ZNF678: variants seen among roughly 807,000 people sequenced by gnomAD.
ZNF678 encodes zinc finger protein 678.
In ZNF678, 5 loss-of-function variants were observed where a neutral mutation model predicts 3.0. That is an observed-to-expected ratio of 1.69 (90% CI 0.88 to 3.56). ZNF678 has a LOEUF of 3.56. Ranked by LOEUF, ZNF678 falls within the 30% of genes most tolerant of loss-of-function variation. The pLI, the probability that ZNF678 is intolerant of heterozygous loss-of-function variation, is 0.00. For missense variants in ZNF678, 593 were observed against 605.0 expected (o/e 0.98, Z 0.21); for synonymous variants, 218 against 199.6 (o/e 1.09, Z -0.78).
chr1:227,649,814 T>C (rs915471726), intron 2 of ZNF678, among the ~76,000 whole-genome samples: 1 of 152,238 alleles, frequency 6.6e-6, no homozygotes, highest in Non-Finnish European at 1.5e-5. Context: ...ATGTCTTCAT[T>C]GGAAAAATAT....
At chr1:227,668,285 TA>T (rs1251782114) in intron 5 of ZNF678, among the ~76,000 whole-genome samples, 2 of 152,210 alleles carry the variant, frequency 1.3e-5, no homozygotes, top group African/African-American at 4.8e-5. Context: ...TTTCTATAAT[TA>T]AACATAATTC....
intron 2 of ZNF678, among the ~76,000 whole-genome samples, chr1:227,648,560 G>C (rs1002751653): frequency 7.9e-5 from 12 of 152,208 alleles, no homozygotes; most frequent in African/African-American, 2.9e-4. Context: ...AAACCAAACA[G>C]CAATTCCAGC....
At chr1:227,572,580 C>T (rs1390400) in intron 1 of ZNF678, among the ~76,000 whole-genome samples, 29,663 of 152,152 alleles carry the variant, frequency 0.19, 3,055 homozygotes, top group East Asian at 0.25. Flanking sequence ...GCTCACATGC[C>T]AAGTGCCATC....
At chr1:227,670,256 C>G (rs1459730805) in intron 5 of ZNF678, among the ~76,000 whole-genome samples, 1 of 152,218 alleles carries the variant, frequency 6.6e-6, no homozygotes, top group African/African-American at 2.4e-5. Context: ...CAGTCCTACA[C>G]ATGTATCCCC....
intron 3 of ZNF678, 92 bp from the exon 4 acceptor site, chr1:227,654,244 A>G (rs1659156695): frequency 2.0e-6 from 2 of 1,005,090 alleles, no homozygotes; most frequent in Non-Finnish European, 2.7e-6. Flanking sequence ...CATCTTGTTA[A>G]TGTCTCTGAT....
In ZNF678 at chr1:227,654,596, AAGAGAATTCATACTGG is replaced by A. The variant is rs749888264; in HGVS notation, c.353_368del (p.Ile118SerfsTer18). On this transcript the variant is annotated frameshift_variant, in exon 4 of 4. Transcript: ENST00000343776. LOFTEE classifies it low-confidence loss of function (END_TRUNC). ...CTGGAGGTCAATCCTTACTGAACAT[AAGAGAATTCATACTGG>A]AGAGAAGCCATACAAATGTGAAGAA... 8.6e-5 allele frequency: 138 copies of A among 1,613,356 alleles called. No individual in the cohort carries two copies. The highest frequency in any genetic ancestry group is 1.1e-4 in the Non-Finnish European group (135 of 1,179,630).
At chr1:227,605,071 G>A (rs936780397) in intron 1 of ZNF678, among the ~76,000 whole-genome samples, 3 of 152,050 alleles carry the variant, frequency 2.0e-5, no homozygotes, top group Admixed American at 6.5e-5. Context: ...TAGCCAGGAT[G>A]GTTTCGAGCT....
chr1:227,608,451 A>G (rs956250072), intron 1 of ZNF678, among the ~76,000 whole-genome samples: 1 of 152,164 alleles, frequency 6.6e-6, no homozygotes, highest in Non-Finnish European at 1.5e-5. Flanking sequence ...TTTTTTGAAT[A>G]TTGAAAATTA....
At chr1:227,654,067 T>C (rs545951826) in intron 3 of ZNF678, among the ~76,000 whole-genome samples, 1 of 152,234 alleles carries the variant, frequency 6.6e-6, no homozygotes, top group South Asian at 2.1e-4. Context: ...TATGTATAAA[T>C]GTAACAAACT....
chr1:227,576,814 G>A (rs974565908), intron 1 of ZNF678, among the ~76,000 whole-genome samples: 2 of 151,208 alleles, frequency 1.3e-5, no homozygotes, highest in Admixed American at 6.6e-5. Flanking sequence ...AGTCATTTTA[G>A]TTGTGATGTT....
chr1:227,596,461 CT>C (rs1657591352), intron 1 of ZNF678, among the ~76,000 whole-genome samples: 2 of 152,194 alleles, frequency 1.3e-5, no homozygotes, highest in South Asian at 4.1e-4. Context: ...TTACAATGCT[CT>C]TCCATACAAT....
rs1659418560 is a variant in ZNF678 at position 227,662,027 on chromosome 1, T to G, written c.*6199T>G. 6.6e-6 allele frequency: 1 copy of G among 152,224 alleles called. No individual in the cohort carries two copies. Among genetic ancestry groups the G allele is most frequent in the African/African-American group, 2.4e-5 (1 of 41,462 alleles). 9.4% of individuals were successfully genotyped at this position (152,224 alleles called of 1,614,324 possible). On this transcript the variant is annotated 3_prime_UTR_variant, in exon 4 of 4. Transcript: ENST00000343776. The stretch of plus-strand genomic sequence containing the variant: ...TGAAATTCAGACCAGGAAATTCCAA[T>G]ACATCAGTGCATGTGGAGGACATGA...
chr1:227,648,184 CTATTT>C (rs1431361422), intron 2 of ZNF678, among the ~76,000 whole-genome samples: 5 of 152,072 alleles, frequency 3.3e-5, no homozygotes, highest in Admixed American at 6.6e-5. Flanking sequence ...AAAAAAAATA[CTATTT>C]TATTAGGGAG....
At chr1:227,619,204 C>T (rs1658213605) in intron 1 of ZNF678, among the ~76,000 whole-genome samples, 1 of 152,156 alleles carries the variant, frequency 6.6e-6, no homozygotes, top group African/African-American at 2.4e-5. Context: ...TCTTCCCCTG[C>T]TACTTTCTCT....
chr1:227,652,007 T>C (rs959317386), intron 3 of ZNF678, among the ~76,000 whole-genome samples: 3 of 152,194 alleles, frequency 2.0e-5, no homozygotes, highest in African/African-American at 7.2e-5. Context: ...TTCCATTTAG[T>C]TTTCTCTTTG....
intron 1 of ZNF678, among the ~76,000 whole-genome samples, chr1:227,591,948 CCAGT>C (rs1306859843): frequency 6.6e-6 from 1 of 152,138 alleles, no homozygotes; most frequent in African/African-American, 2.4e-5. Flanking sequence ...CGTGCGTGGA[CCAGT>C]CAGTTTCCGC....
intron 1 of ZNF678, among the ~76,000 whole-genome samples, chr1:227,636,095 G>A (rs892532556): frequency 5.3e-5 from 8 of 152,096 alleles, no homozygotes; most frequent in Non-Finnish European, 1.5e-5. Flanking sequence ...GTTTTAACAA[G>A]AGTTTTAATG....
At position 227,654,762 on chromosome 1, in the gene ZNF678, A is replaced by G. The variant is rs1255322912; in HGVS notation, c.512A>G (p.His171Arg). The G allele has an allele frequency of 2.5e-6, 4 of 1,613,180 alleles. No individual in the cohort carries two copies. Among genetic ancestry groups the G allele is most frequent in the East Asian group, 4.5e-5 (2 of 44,830 alleles). Residue 171 changes from histidine to arginine, a missense_variant, in exon 4 of 4, where the codon CAT (histidine) becomes CGT (arginine). By Grantham distance (29) the His-to-Arg change is conservative (BLOSUM62 0). Coordinates refer to ENST00000343776, the MANE Select transcript of ZNF678 (RefSeq NM_001367909.1). ...VFNWWSQLTN[H>R]KKIHTGEKPY... The stretch of plus-strand genomic sequence containing the variant: ...AATTGGTGGTCACAACTAACTAACC[A>G]TAAGAAAATTCATACTGGAGAGAAA...
At chr1:227,632,744 C>G (rs542767290) in intron 1 of ZNF678, among the ~76,000 whole-genome samples, 1 of 152,118 alleles carries the variant, frequency 6.6e-6, no homozygotes, top group East Asian at 1.9e-4. Context: ...GAATAGCAAG[C>G]GAAAATCGTC....
Sources: allele counts gnomAD v4.1 joint callset (sites outside exome capture counted in the v4.1 genomes callset), GRCh38; gene constraint gnomAD v4.1.1; transcripts MANE v1.5; gene names NCBI Gene and HGNC (gene_info 2026-07-23, HGNC 2026-07-21).